Variants in CAMTA2 observed in about 807,000 individuals in gnomAD.
CAMTA2 encodes calmodulin binding transcription activator 2.
In CAMTA2, 56 loss-of-function variants were observed where a neutral mutation model predicts 135.7. The ratio of observed to expected loss-of-function variants is 0.41; its 90% CI spans 0.33 to 0.52. The LOEUF (loss-of-function observed/expected upper bound fraction) is 0.52, where lower values mean the gene tolerates loss of function less well. Ranked by LOEUF, CAMTA2 falls within the 20% of genes least tolerant of loss-of-function variation. CAMTA2 has a pLI of 0.16. For synonymous variants in CAMTA2, 591 were observed against 604.6 expected, an observed-to-expected ratio of 0.98 and a Z score of 0.33; for missense variants, 1,358 against 1,553.4, an observed-to-expected ratio of 0.87 and a Z score of 2.11.
chr17:4,987,492 AG>A (rs1973434326), intron 1 of CAMTA2, 100 bp downstream of exon 1: 10 of 1,413,380 alleles, frequency 7.1e-6, no homozygotes, highest in Middle Eastern at 4.7e-4. Context: ...AACCGGGAAG[AG>A]GGACGGTGGT....
Position 4,972,353 on chromosome 17 carries a change from A to G in CAMTA2, c.2687T>C (p.Met896Thr), listed in dbSNP as rs1972344816. The stretch of plus-strand genomic sequence containing the variant: ...CTTGGAGTTGGTAGCCTCATAGTCC[A>G]TGAGGAGTAGGGGGGCTTCTGGGAC... Reference protein sequence around the residue: ...SGVPEAPLLLMDYEATNSKGP... With the variant: ...SGVPEAPLLLTDYEATNSKGP... Residue 896 changes from methionine to threonine, a missense_variant, in exon 16 of 23, where the codon ATG (methionine) becomes ACG (threonine). Physicochemically the swap from Met to Thr is moderately conservative, Grantham distance 81. Transcript: ENST00000348066. 4 of 1,613,606 alleles carry G rather than the reference A, an allele frequency of 2.5e-6. No homozygotes were observed. The highest frequency in any genetic ancestry group is 2.7e-5 in the African/African-American group (2 of 74,884).
At chr17:4,978,411 TTGTTCCC>T in intron 10 of CAMTA2, 86 bp downstream of exon 10, 1 of 1,386,758 alleles carries the variant, frequency 7.2e-7, no homozygotes, top group South Asian at 1.3e-5. Flanking sequence ...AACAACCCAT[TTGTTCCC>T]AGTGCTTTCT....
rs761771999 is a variant in CAMTA2 at position 4,968,952 on chromosome 17, T to A, written c.3500A>T (p.Gln1167Leu). Residue 1167 changes from glutamine (Q) to leucine (L), a missense_variant, in exon 22 of 23, where the codon CAG becomes CTG. By Grantham distance (113) the Gln-to-Leu change is moderately radical (BLOSUM62 -2). This residue lies in a region of CAMTA2 where 167 missense variants were observed against 207.0 expected (regional missense o/e 0.81). Coordinates refer to ENST00000348066, the MANE Select transcript of CAMTA2 (RefSeq NM_015099.4). ...KGSFLTKKQD[Q>L]AARKIMRFLR... is the part of the protein sequence containing the mutation. ...GAATCTCATGATCTTCCGGGCTGCC[T>A]GGTCCTGCTTCTTGGTGAGAAAGGA... is the stretch of plus-strand genomic sequence containing the variant. The A allele has an allele frequency of 4.3e-6, 7 of 1,614,174 alleles. No homozygotes were observed. In the East Asian group the frequency reaches 1.6e-4, roughly 36 times the overall value.
At chr17:4,982,353 G>C in intron 5 of CAMTA2, 193 bp from the exon 6 acceptor site, 1 of 605,722 alleles carries the variant, frequency 1.7e-6, no homozygotes, top group Non-Finnish European at 3.0e-6. Context: ...TGGGGCTGGG[G>C]CCTTATAGTG....
chr17:4,972,695 C>T, intron 15 of CAMTA2, 74 bp downstream of exon 15: 1 of 1,497,748 alleles, frequency 6.7e-7, no homozygotes, highest in South Asian at 1.1e-5. Flanking sequence ...ACTCGTTTCC[C>T]ACACCCTTTG....
rs748914314 is a variant in CAMTA2 at position 4,970,320 on chromosome 17, C to T, written c.3005+20G>A. On this transcript the variant is annotated intron_variant, in intron 17 of 22. Transcript: ENST00000348066. ...CATCTTCCTTTGAAGAATCTGGAGGCTTTGTCCTGAGCTAGTCACCTGGGA... is the reference window on the plus strand; with the variant it reads ...CATCTTCCTTTGAAGAATCTGGAGGTTTTGTCCTGAGCTAGTCACCTGGGA... The T allele has an allele frequency of 9.9e-6, 16 of 1,612,664 alleles. No individual in the cohort carries two copies. Among genetic ancestry groups the T allele is most frequent in the Non-Finnish European group, 1.2e-5 (14 of 1,178,746 alleles).
In CAMTA2 at chr17:4,980,231, G is replaced by A. The variant is rs773956517; in HGVS notation, c.1091C>T (p.Pro364Leu). Residue 364 changes from proline (P) to leucine (L), a missense_variant, in exon 9 of 23, where the codon CCT becomes CTT. Physicochemically the swap from Pro to Leu is moderately conservative, Grantham distance 98 (BLOSUM62 -3). Around this residue, in one of 4 missense-constraint regions of CAMTA2, gnomAD observed 1,077 missense variants for 1,127.5 expected, o/e 0.96. Transcript: ENST00000348066. The surrounding 1 kb of genome is among the most constrained non-coding windows in gnomAD (Gnocchi z 5.3). The part of the protein sequence containing the change: ...MSLAVVVGTE[P>L]SAPPAPPSPA... ...ACTGGGAGGAGCTGGTGGGGCAGAAGGCTCAGTGCCTACAACCACTGCCAA... is the reference window on the plus strand; with the variant it reads ...ACTGGGAGGAGCTGGTGGGGCAGAAAGCTCAGTGCCTACAACCACTGCCAA... The A allele has an allele frequency of 6.3e-6, 10 of 1,577,126 alleles. No homozygotes were observed. Among genetic ancestry groups the A allele is most frequent in the Non-Finnish European group, 8.6e-6 (10 of 1,160,312 alleles).
rs1972055788 is a variant in CAMTA2 at position 4,968,653 on chromosome 17, A to T, written c.*103T>A. On this transcript the variant is annotated 3_prime_UTR_variant, in exon 23 of 23. Transcript: ENST00000348066. Reference sequence around the variant, plus strand: ...CCTACAGAGGGCTCCAACAAAGGTGAACAGGAAAGCTGCCGACAGGGGCTC... The same window carrying T: ...CCTACAGAGGGCTCCAACAAAGGTGTACAGGAAAGCTGCCGACAGGGGCTC... 2 of 1,360,412 alleles carry T rather than the reference A, an allele frequency of 1.5e-6. No homozygotes were observed. Among genetic ancestry groups the T allele is most frequent in the African/African-American group, 2.9e-5 (2 of 69,912 alleles). The allele number at this position is 1,360,412 out of a possible 1,614,324, so 84.3% of individuals were successfully genotyped here.
intron 1 of CAMTA2, chr17:4,987,123 G>A: frequency 7.3e-7 from 1 of 1,361,646 alleles, no homozygotes; most frequent in Non-Finnish European, 9.4e-7. Context: ...TAAGGACTCC[G>A]CCCCAGGGCG....
intron 12 of CAMTA2, chr17:4,974,066 T>G: frequency 3.8e-6 from 2 of 531,426 alleles, no homozygotes; most frequent in Non-Finnish European, 6.7e-6. Flanking sequence ...TCTCTGAGCC[T>G]TAGCCCTCTT....
Position 4,973,628 on chromosome 17 carries a change from C to T in CAMTA2, c.2158G>A (p.Ala720Thr), listed in dbSNP as rs1205194737. 1 of 1,613,746 alleles carries T rather than the reference C, an allele frequency of 6.2e-7. No homozygotes were observed. Among genetic ancestry groups the T allele is most frequent in the Non-Finnish European group, 8.5e-7 (1 of 1,179,876 alleles). ...RGMSLLHLAA[A>T]QGYARLIETL... ...TCGATGAGGCGGGCATAGCCCTGGG[C>T]AGCAGCCAGGTGCAGAAGGCTCATG... Residue 720 changes from alanine (A) to threonine (T), a missense_variant, in exon 13 of 23, where the codon GCC becomes ACC. Coordinates refer to ENST00000348066, the MANE Select transcript of CAMTA2 (RefSeq NM_015099.4).
chr17:4,969,435 A>C lies in CAMTA2; in HGVS notation c.3282+65T>G, dbSNP rs1243701898. ...GTTAGGCTGATGCAAGACTCTCTGT[A>C]ACCCACACACTCAAGGAAAGACTGA... On this transcript the variant is annotated intron_variant, in intron 20 of 22. Transcript: ENST00000348066. The surrounding 1 kb of genome is among the most constrained non-coding windows in gnomAD (Gnocchi z 5.6). 6.2e-7 allele frequency: 1 copy of C among 1,608,754 alleles called. No homozygotes were observed. Among genetic ancestry groups the C allele is most frequent in the Non-Finnish European group, 8.5e-7 (1 of 1,175,234 alleles).
intron 3 of CAMTA2, among the ~76,000 whole-genome samples, chr17:4,984,934 G>A (rs1026062186): frequency 9.9e-5 from 15 of 151,574 alleles, no homozygotes; most frequent in Non-Finnish European, 2.9e-5. Context: ...GGAGAATGGC[G>A]TAAACCTGGG....
At chr17:4,985,660 A>G (rs1437753942) in intron 3 of CAMTA2, among the ~76,000 whole-genome samples, 1 of 151,914 alleles carries the variant, frequency 6.6e-6, no homozygotes, top group Admixed American at 6.6e-5. Context: ...CTGACCTCAG[A>G]TGATCCACCC....
At chr17:4,970,161 GA>G in intron 17 of CAMTA2, 76 bp from the exon 18 acceptor site, 1 of 1,489,528 alleles carries the variant, frequency 6.7e-7, no homozygotes, top group South Asian at 1.2e-5. Context: ...GGCTACGAAG[GA>G]AAACCACCAG....
In CAMTA2 at chr17:4,969,184, G is replaced by T; in HGVS notation, c.3436C>A (p.His1146Asn). 6.2e-7 allele frequency: 1 copy of T among 1,610,814 alleles called. No individual in the cohort carries two copies. The highest frequency in any genetic ancestry group is 8.5e-7 in the Non-Finnish European group (1 of 1,179,522). The change falls in exon 21 of 23, where the codon CAC (histidine) becomes AAC (asparagine). Residue 1146 changes from histidine to asparagine, a missense_variant. Coordinates refer to ENST00000348066, the MANE Select transcript of CAMTA2 (RefSeq NM_015099.4). This position sits in a 1 kb window ranked among gnomAD's most constrained non-coding sequence, Gnocchi z 5.6. ...GCAGGCAGGGTGGCCGAAGTCCGGT[G>T]GGGAGGGCCGGGCCTGCGGCGGTAG... is the stretch of plus-strand genomic sequence containing the variant. ...RSYRRRPGPPHRTSATLPARN... is the reference protein window; with the variant it reads ...RSYRRRPGPPNRTSATLPARN...
Position 4,978,501 on chromosome 17 carries a change from T to C in CAMTA2, c.1765+3A>G. 1 of 1,613,742 alleles carries C rather than the reference T, an allele frequency of 6.2e-7. No individual in the cohort carries two copies. The highest frequency in any genetic ancestry group is 2.2e-5 in the East Asian group (1 of 44,876). ...CTCCCCCTACGGTTCCCAATCCTCATACCGGGACAGTAGCAGCGTAAGACA... is the reference window on the plus strand; with the variant it reads ...CTCCCCCTACGGTTCCCAATCCTCACACCGGGACAGTAGCAGCGTAAGACA... On this transcript the variant is annotated splice_donor_region_variant and intron_variant, in intron 10 of 22. Coordinates refer to ENST00000348066, the MANE Select transcript of CAMTA2 (RefSeq NM_015099.4).
At chr17:4,985,370 GT>G (rs1430215294) in intron 3 of CAMTA2, among the ~76,000 whole-genome samples, 1 of 152,232 alleles carries the variant, frequency 6.6e-6, no homozygotes, top group Non-Finnish European at 1.5e-5. Context: ...AGTAGCTTTT[GT>G]TTTTACCCAG....
intron 10 of CAMTA2, 75 bp downstream of exon 10, chr17:4,978,429 G>T: frequency 6.7e-7 from 1 of 1,493,542 alleles, no homozygotes; most frequent in Non-Finnish European, 9.1e-7. Flanking sequence ...AGTGCTTTCT[G>T]GAAGCCTGGA....
Sources: gnomAD v4.1 joint callset for allele counts (sites outside exome capture counted in the v4.1 genomes callset) on GRCh38, gnomAD v4.1.1 for gene constraint, gnomAD v4.1.1 regional missense constraint, Gnocchi (gnomAD v3.1) non-coding constraint, MANE v1.5 for transcripts, NCBI Gene and HGNC (gene_info 2026-07-23, HGNC 2026-07-21) for gene names.